DMD: variants seen among roughly 807,000 people sequenced by gnomAD.
DMD encodes mutant dystrophin.
DMD carries 63 observed loss-of-function variants against 330.1 expected under a neutral mutation model. The ratio of observed to expected loss-of-function variants is 0.19; its 90% CI spans 0.16 to 0.24. DMD has a LOEUF of 0.24. Ranked by LOEUF, DMD falls within the 10% of genes least tolerant of loss-of-function variation. The pLI is 1.00. For synonymous variants in DMD, 1,223 were observed against 959.8 expected, an observed-to-expected ratio of 1.27 and a Z score of -5.07; for missense variants, 3,344 against 2,684.1, an observed-to-expected ratio of 1.25 and a Z score of -5.43.
At chrX:31,706,556 A>G (rs1226863449) in intron 52 of DMD, among the ~76,000 whole-genome samples, 5 of 108,437 alleles carry the variant, frequency 4.6e-5, no homozygotes, top group Non-Finnish European at 9.6e-5. Context: ...GTTTATCAAC[A>G]TTTTTTTTTG....
At chrX:31,318,217 C>T (rs1263789137) in intron 62 of DMD, among the ~76,000 whole-genome samples, 1 of 111,922 alleles carries the variant, frequency 8.9e-6, no homozygotes, top group African/African-American at 3.2e-5. Flanking sequence ...GTTAGGGGAA[C>T]ACTGGTACTA....
intron 1 of DMD, among the ~76,000 whole-genome samples, chrX:33,229,621 C>T (rs2052354702): frequency 8.9e-6 from 1 of 111,849 alleles, no homozygotes; most frequent in Non-Finnish European, 1.9e-5. Flanking sequence ...TTGAACTATG[C>T]GTCTATCTCT....
chrX:32,554,878 GAAGA>G (rs769646135), intron 16 of DMD, among the ~76,000 whole-genome samples: 1,671 of 32,596 alleles, frequency 0.051, 78 homozygotes, highest in Non-Finnish European at 0.076. Context: ...GAGAAGGAAA[GAAGA>G]AAGAAAGAAA....
At chrX:32,621,289 C>T (rs1471218455) in intron 11 of DMD, among the ~76,000 whole-genome samples, 1 of 111,079 alleles carries the variant, frequency 9.0e-6, no homozygotes, top group African/African-American at 3.3e-5. Context: ...GCAGCTTGAT[C>T]GCACAAGGTG....
chrX:32,833,462 A>C (rs1232968899), intron 4 of DMD, among the ~76,000 whole-genome samples: 2 of 110,685 alleles, frequency 1.8e-5, no homozygotes, highest in African/African-American at 6.5e-5. Flanking sequence ...ACTCAACAAA[A>C]TTCCTTATAT....
intron 7 of DMD, among the ~76,000 whole-genome samples, chrX:32,787,077 A>G (rs943531000): frequency 9.0e-6 from 1 of 111,369 alleles, no homozygotes; most frequent in African/African-American, 3.3e-5. Context: ...AAACCTAGTT[A>G]TACTTTTGCA....
intron 13 of DMD, among the ~76,000 whole-genome samples, chrX:32,587,146 CCTAA>C (rs1414779689): frequency 1.2e-4 from 13 of 111,634 alleles, no homozygotes; most frequent in African/African-American, 4.2e-4. Flanking sequence ...ATTTCAGTTA[CCTAA>C]CTGACATTTA....
At chrX:33,031,640 G>A (rs748633636) in intron 1 of DMD, among the ~76,000 whole-genome samples, 218 of 110,633 alleles carry the variant, frequency 2.0e-3, no homozygotes, top group Non-Finnish European at 3.5e-3. Flanking sequence ...GCGTGGTGGC[G>A]GACACCTGAA....
intron 44 of DMD, among the ~76,000 whole-genome samples, chrX:32,190,989 G>A (rs1395480237): frequency 9.1e-6 from 1 of 110,287 alleles, no homozygotes; most frequent in Non-Finnish European, 1.9e-5. Flanking sequence ...AACACAACAG[G>A]ACTTTAAGGC....
intron 44 of DMD, among the ~76,000 whole-genome samples, chrX:32,040,139 C>T (rs951285972): frequency 7.2e-5 from 8 of 111,703 alleles, no homozygotes; most frequent in East Asian, 5.6e-4. Context: ...CTGTTTAGCA[C>T]GCATATTATT....
intron 1 of DMD, among the ~76,000 whole-genome samples, chrX:33,045,956 G>A (rs1014898921): frequency 2.7e-5 from 3 of 111,356 alleles, no homozygotes; most frequent in African/African-American, 6.5e-5. Context: ...CCCAAATCCT[G>A]GAGGCAGAAT....
chrX:33,324,054 T>G (rs111570395), intron 1 of DMD, among the ~76,000 whole-genome samples: 2 of 111,177 alleles, frequency 1.8e-5, no homozygotes, highest in East Asian at 5.6e-4. Context: ...TATACTTCCC[T>G]GTCAGAAAAA....
intron 1 of DMD, among the ~76,000 whole-genome samples, chrX:33,182,080 C>T (rs1434376978): frequency 8.9e-6 from 1 of 111,875 alleles, no homozygotes; most frequent in Non-Finnish European, 1.9e-5. Flanking sequence ...ATATTGTCAG[C>T]AAACCATACC....
chrX:32,524,183 C>A (rs1046470704), intron 17 of DMD, among the ~76,000 whole-genome samples: 1 of 111,428 alleles, frequency 9.0e-6, no homozygotes, highest in African/African-American at 3.3e-5. Flanking sequence ...ATCCGCCCGC[C>A]TCGGCCTCCC....
intron 44 of DMD, among the ~76,000 whole-genome samples, chrX:32,008,757 G>A (rs979514831): frequency 9.0e-6 from 1 of 111,687 alleles, no homozygotes; most frequent in Non-Finnish European, 1.9e-5. Flanking sequence ...AGCTGAAGAT[G>A]GAGGATTAAA....
At chrX:32,347,866 T>C (rs1486158139) in intron 38 of DMD, among the ~76,000 whole-genome samples, 2 of 111,932 alleles carry the variant, frequency 1.8e-5, no homozygotes, top group African/African-American at 3.2e-5. Flanking sequence ...AGAGCACACA[T>C]GGTCATATTT....
chrX:31,915,440 T>G (rs1238839804), intron 47 of DMD, among the ~76,000 whole-genome samples: 1 of 111,736 alleles, frequency 8.9e-6, no homozygotes, highest in East Asian at 2.8e-4. Flanking sequence ...GGGGTATTTT[T>G]ATTATAGTAG....
At chrX:31,175,022 T>C (rs2040370240) in intron 71 of DMD, among the ~76,000 whole-genome samples, 1 of 111,984 alleles carries the variant, frequency 8.9e-6, no homozygotes, top group Non-Finnish European at 1.9e-5. Flanking sequence ...AACTTCACTA[T>C]AGTTTTGGAG....
At position 31,928,640 on chromosome X, in the gene DMD, A is replaced by G. The variant is rs1019315737; in HGVS notation, c.6912+956T>C. 3.6e-5 allele frequency among the ~76,000 whole-genome samples: 4 copies of G among 110,840 alleles called. No homozygotes were observed. The East Asian group carries it at 1.1e-3, about 31-fold the overall frequency. On this transcript the variant is annotated intron_variant, in intron 47 of 78. Transcript: ENST00000357033. ...AAAAAAAAAATTGGGGGTGGGGCAT[A>G]AACTGTGGTGATGGTTGTAATAAAT...
Sources: gnomAD v4.1 joint callset for allele counts (sites outside exome capture counted in the v4.1 genomes callset) on GRCh38, gnomAD v4.1.1 for gene constraint, MANE v1.5 for transcripts, NCBI Gene and HGNC (gene_info 2026-07-23, HGNC 2026-07-21) for gene names.